The following GABRB1 variants were observed in gnomAD, a reference collection of about 807,000 sequenced individuals.
GABRB1 encodes gamma-aminobutyric acid receptor subunit beta-1.
GABRB1 carries 17 observed loss-of-function variants against 51.6 expected under a neutral mutation model. The ratio of observed to expected loss-of-function variants is 0.33; its 90% CI spans 0.23 to 0.49. The LOEUF is 0.49. GABRB1 is among the 20% of genes least tolerant of loss of function. GABRB1 has a pLI of 0.99. For synonymous variants in GABRB1, 247 were observed against 218.9 expected (o/e 1.13, Z -1.14); for missense variants, 410 against 600.6 (o/e 0.68, Z 3.32).
chr4:47,130,874 T>G (rs1038064543), intron 3 of GABRB1, among the ~76,000 whole-genome samples: 2 of 152,206 alleles, frequency 1.3e-5, no homozygotes, highest in African/African-American at 4.8e-5. Flanking sequence ...TTAAGTGCTA[T>G]ATCAAGAAAG....
chr4:47,224,620 C>G (rs929073334), intron 4 of GABRB1, among the ~76,000 whole-genome samples: 7 of 152,052 alleles, frequency 4.6e-5, no homozygotes, highest in Non-Finnish European at 7.4e-5. Context: ...GGAGGGTACT[C>G]TTGCTAAACT....
At chr4:47,303,024 A>T (rs1724320545) in intron 4 of GABRB1, among the ~76,000 whole-genome samples, 1 of 151,928 alleles carries the variant, frequency 6.6e-6, no homozygotes, top group Non-Finnish European at 1.5e-5. Context: ...GTTCTTTATG[A>T]ATACAGTGTA....
At chr4:47,393,336 G>A (rs546501726) in intron 5 of GABRB1, among the ~76,000 whole-genome samples, 1 of 152,282 alleles carries the variant, frequency 6.6e-6, no homozygotes, top group East Asian at 1.9e-4. Context: ...GCCTAGTGGG[G>A]GAAAGACAGA....
intron 3 of GABRB1, among the ~76,000 whole-genome samples, chr4:47,055,274 T>C (rs1726540230): frequency 6.6e-6 from 1 of 152,218 alleles, no homozygotes; most frequent in Admixed American, 6.5e-5. Context: ...TTGGAAGAAT[T>C]TCAAAATGTT....
chr4:47,027,493 C>A (rs2109459391), upstream of GABRB1, among the ~76,000 whole-genome samples: 1 of 151,600 alleles, frequency 6.6e-6, no homozygotes, highest in South Asian at 2.1e-4. Flanking sequence ...AATGCATTTT[C>A]ATATAGCTAA....
chr4:47,154,182 A>G (rs1577956913), intron 3 of GABRB1, among the ~76,000 whole-genome samples: 1 of 152,024 alleles, frequency 6.6e-6, no homozygotes, highest in Non-Finnish European at 1.5e-5. Context: ...GTGGTTGATT[A>G]CAATTATGGT....
intron 4 of GABRB1, among the ~76,000 whole-genome samples, chr4:47,288,345 C>T (rs1202315484): frequency 1.3e-5 from 2 of 152,118 alleles, no homozygotes; most frequent in South Asian, 2.1e-4. Context: ...TCACTGCAAC[C>T]TCTGCCTCCT....
intron 4 of GABRB1, among the ~76,000 whole-genome samples, chr4:47,242,051 G>A (rs1297437076): frequency 2.1e-5 from 3 of 144,132 alleles, no homozygotes; most frequent in East Asian, 4.6e-4. Context: ...CCCACCCCAC[G>A]ACAGGCCCCG....
intron 4 of GABRB1, among the ~76,000 whole-genome samples, chr4:47,296,346 G>A (rs1455239045): frequency 6.6e-6 from 1 of 152,152 alleles, no homozygotes; most frequent in Non-Finnish European, 1.5e-5. Flanking sequence ...CCATCAGTGT[G>A]CTGTATTCAG....
chr4:47,073,143 C>T (rs1320457629), intron 3 of GABRB1, among the ~76,000 whole-genome samples: 2 of 152,144 alleles, frequency 1.3e-5, no homozygotes, highest in African/African-American at 4.8e-5. Context: ...GGGTGCTTCT[C>T]TTCCTCTTAT....
intron 4 of GABRB1, among the ~76,000 whole-genome samples, chr4:47,222,841 A>G (rs1401940090): frequency 1.3e-5 from 2 of 152,136 alleles, no homozygotes; most frequent in Non-Finnish European, 2.9e-5. Context: ...TTTAAAAAAA[A>G]TCTGTACTTC....
At chr4:47,394,257 A>G (rs1173483024) in intron 5 of GABRB1, among the ~76,000 whole-genome samples, 1 of 152,230 alleles carries the variant, frequency 6.6e-6, no homozygotes, top group Non-Finnish European at 1.5e-5. Flanking sequence ...GTCAAAAGCT[A>G]TAGGCAAATC....
chr4:47,029,939 C>T (rs1725234422), upstream of GABRB1, among the ~76,000 whole-genome samples: 3 of 152,082 alleles, frequency 2.0e-5, no homozygotes, highest in Non-Finnish European at 4.4e-5. Flanking sequence ...CTTGATATCT[C>T]AAAGGCAAAT....
chr4:47,350,218 T>TATAGAGAG lies in GABRB1; in HGVS notation c.544+30010_544+30011insTAGAGAGA, dbSNP rs750199965. 5.2e-3 allele frequency among the ~76,000 whole-genome samples: 294 copies of TATAGAGAG among 56,584 alleles called. 2 individuals carry two copies. The highest frequency in any genetic ancestry group is 0.013 in the Middle Eastern group (1 of 80). 37.1% of individuals were successfully genotyped at this position (56,584 alleles called of 152,430 possible). On this transcript the variant is annotated intron_variant, in intron 5 of 8. Transcript: ENST00000295454. ...ATATATATATATATATATATATATA[T>TATAGAGAG]AGAGAGAGAGAGAGAGAGAGAGAGA...
At chr4:47,074,423 G>A (rs1242881592) in intron 3 of GABRB1, among the ~76,000 whole-genome samples, 1 of 152,164 alleles carries the variant, frequency 6.6e-6, no homozygotes, top group Non-Finnish European at 1.5e-5. Flanking sequence ...TTTCTGAAAT[G>A]CCTTGCATAC....
At chr4:47,101,392 G>GA (rs36099069) in intron 3 of GABRB1, among the ~76,000 whole-genome samples, 1 of 151,734 alleles carries the variant, frequency 6.6e-6, no homozygotes, top group African/African-American at 2.4e-5. Flanking sequence ...TTTTAAATAT[G>GA]AAAAAAGGAC....
At chr4:47,026,734 A>G (rs528709032), upstream of GABRB1, among the ~76,000 whole-genome samples, 9 of 152,196 alleles carry the variant, frequency 5.9e-5, no homozygotes, top group South Asian at 1.9e-3. Context: ...GGCTTCTTCT[A>G]AAATATAAAT....
intron 4 of GABRB1, among the ~76,000 whole-genome samples, chr4:47,311,411 C>CA (rs71276540): frequency 0.057 from 2,565 of 45,292 alleles, 122 homozygotes; most frequent in African/African-American, 0.13. Flanking sequence ...GACTCTGTCT[C>CA]AAAAAAAAAA....
intron 4 of GABRB1, among the ~76,000 whole-genome samples, chr4:47,261,521 C>T (rs1012531751): frequency 1.4e-4 from 21 of 152,082 alleles, no homozygotes; most frequent in Non-Finnish European, 2.6e-4. Context: ...AACTACAAAC[C>T]ACTGCTCAAT....
Sources: allele counts gnomAD v4.1 joint callset (sites outside exome capture counted in the v4.1 genomes callset), GRCh38; gene constraint gnomAD v4.1.1; transcripts MANE v1.5; gene names NCBI Gene and HGNC (gene_info 2026-07-23, HGNC 2026-07-21).